SOX5: variants seen among roughly 807,000 people sequenced by gnomAD.
SOX5 encodes the protein SRY-box transcription factor 5.
A neutral mutation model predicts 92.0 loss-of-function variants in SOX5; 9 were observed. The ratio of observed to expected loss-of-function variants is 0.10; its 90% CI spans 0.06 to 0.17. The LOEUF (loss-of-function observed/expected upper bound fraction) is 0.17. SOX5 is among the 10% of genes least tolerant of loss of function. The pLI, the probability that SOX5 is intolerant of heterozygous loss-of-function variation, is 1.00. For synonymous variants in SOX5, 344 were observed against 336.3 expected (o/e 1.02, Z -0.25); for missense variants, 642 against 944.5 (o/e 0.68, Z 4.20).
intron 7 of SOX5, among the ~76,000 whole-genome samples, chr12:23,655,154 C>A (rs1202165886): frequency 6.6e-6 from 1 of 152,034 alleles, no homozygotes; most frequent in Non-Finnish European, 1.5e-5. Context: ...TTCTTCATCT[C>A]CTTGCCCGTA....
rs894069960 is a variant in SOX5, at chr12:24,180,389, T to C, written c.-2+32954A>G. 2.0e-5 allele frequency among the ~76,000 whole-genome samples: 3 copies of C among 152,178 alleles called. No homozygotes were observed. The East Asian group carries it at 5.8e-4, about 29-fold the overall frequency. Reference sequence around the variant, plus strand: ...GGTAATTAAATGTCTCAACTAAATATATATATGTCTTGTAAATTCAGTTAA... The same window carrying C: ...GGTAATTAAATGTCTCAACTAAATACATATATGTCTTGTAAATTCAGTTAA... On this transcript the variant is annotated intron_variant, in intron 4 of 4. Transcript: ENST00000446891.
chr12:24,425,001 G>A (rs1966542098), intron 1 of SOX5, among the ~76,000 whole-genome samples: 1 of 152,014 alleles, frequency 6.6e-6, no homozygotes, highest in Non-Finnish European at 1.5e-5. Context: ...ATTAACGGTG[G>A]AAACAAAGCA....
At chr12:24,431,591 C>T (rs1256248488) in intron 1 of SOX5, among the ~76,000 whole-genome samples, 1 of 152,166 alleles carries the variant, frequency 6.6e-6, no homozygotes, top group African/African-American at 2.4e-5. Flanking sequence ...ACCCTCTTAA[C>T]ACAGTTTAAA....
At chr12:23,837,895 A>ATATATTTATATTTATATAATATATAAAG (rs1398179341) in intron 3 of SOX5, among the ~76,000 whole-genome samples, 1 of 111,926 alleles carries the variant, frequency 8.9e-6, no homozygotes, top group Admixed American at 1.2e-4. Context: ...AATATATAAG[A>ATATATTTATATTTATATAATATATAAAG]TATATTTATA....
intron 2 of SOX5, among the ~76,000 whole-genome samples, chr12:24,336,850 T>A (rs530440775): frequency 2.0e-5 from 3 of 152,192 alleles, no homozygotes; most frequent in Non-Finnish European, 4.4e-5. Context: ...AAAAACCTAA[T>A]TGAGCCGGGG....
At chr12:23,636,290 A>G (rs2079224131) in intron 8 of SOX5, among the ~76,000 whole-genome samples, 1 of 152,162 alleles carries the variant, frequency 6.6e-6, no homozygotes, top group Admixed American at 6.5e-5. Context: ...GAATATTTTA[A>G]CTGCTTCTGA....
intron 6 of SOX5, among the ~76,000 whole-genome samples, chr12:23,713,668 T>C (rs976967139): frequency 1.3e-5 from 2 of 149,058 alleles, no homozygotes; most frequent in African/African-American, 4.9e-5. Context: ...TGTGTGTATG[T>C]GTGAATGTGT....
chr12:23,850,940 G>A (rs1432816467), intron 2 of SOX5, among the ~76,000 whole-genome samples: 5 of 151,978 alleles, frequency 3.3e-5, no homozygotes, highest in African/African-American at 1.2e-4. Context: ...CCTCCCCTAG[G>A]AAATTCGCTA....
At chr12:23,863,512 T>C (rs2096778170) in intron 2 of SOX5, among the ~76,000 whole-genome samples, 1 of 152,154 alleles carries the variant, frequency 6.6e-6, no homozygotes, top group Non-Finnish European at 1.5e-5. Context: ...TTTTAACTAT[T>C]GTGTCATATG....
chr12:24,100,731 A>C (rs1459321629), intron 4 of SOX5, among the ~76,000 whole-genome samples: 1 of 152,136 alleles, frequency 6.6e-6, no homozygotes, highest in Non-Finnish European at 1.5e-5. Flanking sequence ...GATTTTATAC[A>C]CTTAATAAAT....
intron 9 of SOX5, among the ~76,000 whole-genome samples, chr12:23,603,729 G>A (rs1265158292): frequency 6.6e-6 from 1 of 151,854 alleles, no homozygotes; most frequent in Non-Finnish European, 1.5e-5. Context: ...TTTTCCATGT[G>A]TTCTAATGTT....
chr12:24,425,717 C>T (rs1966653933), intron 1 of SOX5, among the ~76,000 whole-genome samples: 1 of 152,144 alleles, frequency 6.6e-6, no homozygotes, highest in South Asian at 2.1e-4. Context: ...TTATGTCTTT[C>T]AAGTCACCGG....
chr12:23,879,530 C>T (rs1204157790), intron 2 of SOX5, among the ~76,000 whole-genome samples: 1 of 152,112 alleles, frequency 6.6e-6, no homozygotes, highest in Non-Finnish European at 1.5e-5. Flanking sequence ...ACTGCCTTGA[C>T]ATTAAAAATC....
chr12:24,308,672 T>C (rs925616273), intron 2 of SOX5, among the ~76,000 whole-genome samples: 2 of 152,164 alleles, frequency 1.3e-5, no homozygotes, highest in Admixed American at 1.3e-4. Flanking sequence ...GCTCAACAAA[T>C]GCAGACTGAC....
At chr12:23,702,209 T>C (rs919558473) in intron 6 of SOX5, among the ~76,000 whole-genome samples, 1 of 152,104 alleles carries the variant, frequency 6.6e-6, no homozygotes, top group African/African-American at 2.4e-5. Context: ...ACTGCAATAT[T>C]AAATAATTTA....
chr12:23,883,934 T>C (rs537390311), intron 2 of SOX5, among the ~76,000 whole-genome samples: 7 of 151,918 alleles, frequency 4.6e-5, no homozygotes, highest in African/African-American at 1.5e-4. Context: ...TGACAAGAGA[T>C]TGAGACTTCT....
Position 24,241,280 on chromosome 12 carries a change from G to A in SOX5, c.-76-27863C>T, listed in dbSNP as rs548288179. Reference sequence around the variant, plus strand: ...CTAGATTTGGGCACAACTTAAAATAGTTTTGATATAGATAATGAGATTTTA... The same window carrying A: ...CTAGATTTGGGCACAACTTAAAATAATTTTGATATAGATAATGAGATTTTA... On this transcript the variant is annotated intron_variant, in intron 3 of 4. Coordinates refer to the SOX5 transcript ENST00000446891. Among the ~76,000 whole-genome samples the A allele has an allele frequency of 5.3e-5, 8 of 152,252 alleles. No homozygotes were observed. In the South Asian group the frequency reaches 1.2e-3, roughly 24 times the overall value.
At chr12:24,262,147 A>C (rs1338019623) in intron 3 of SOX5, among the ~76,000 whole-genome samples, 1 of 152,212 alleles carries the variant, frequency 6.6e-6, no homozygotes, top group African/African-American at 2.4e-5. Flanking sequence ...ATTTCTCCCA[A>C]GGAGTCTCAG....
chr12:23,968,680 T>A (rs976373737), intron 4 of SOX5, among the ~76,000 whole-genome samples: 1 of 152,242 alleles, frequency 6.6e-6, no homozygotes, highest in African/African-American at 2.4e-5. Flanking sequence ...TTATCCAGTC[T>A]TGGATATTCT....
Sources: allele counts gnomAD v4.1 joint callset (sites outside exome capture counted in the v4.1 genomes callset), GRCh38; gene constraint gnomAD v4.1.1; transcripts MANE v1.5; gene names NCBI Gene and HGNC (gene_info 2026-07-23, HGNC 2026-07-21).